The following DHX35 variants were observed in gnomAD, a reference collection of about 807,000 sequenced individuals.
DHX35 encodes the protein probable ATP-dependent RNA helicase DHX35.
DHX35 carries 84 observed loss-of-function variants against 99.6 expected under a neutral mutation model. That is an observed-to-expected ratio of 0.84 (90% CI 0.71 to 1.01). DHX35 has a LOEUF of 1.01. DHX35 is among the 50% of genes least tolerant of loss of function. The probability of loss-of-function intolerance (pLI) is 0.00; values close to 1 mark genes in which losing one functional copy is unlikely to be tolerated. For missense variants in DHX35, 852 were observed against 888.5 expected, an observed-to-expected ratio of 0.96 and a Z score of 0.52; for synonymous variants, 331 against 316.2, an observed-to-expected ratio of 1.05 and a Z score of -0.50.
chr20:38,977,812 T>G, intron 3 of DHX35: 1 of 537,388 alleles, frequency 1.9e-6, no homozygotes, highest in South Asian at 1.5e-5. Context: ...GATCTTGGTG[T>G]TGGTGGTATT....
chr20:39,026,388 C>G (rs924638274), intron 18 of DHX35, among the ~76,000 whole-genome samples: 3 of 152,134 alleles, frequency 2.0e-5, no homozygotes, highest in Admixed American at 2.0e-4. Context: ...ATACTAAGAG[C>G]AAGTGATTAA....
intron 3 of DHX35, among the ~76,000 whole-genome samples, chr20:38,976,771 G>T (rs2086086378): frequency 6.6e-6 from 1 of 152,038 alleles, no homozygotes; most frequent in Non-Finnish European, 1.5e-5. Flanking sequence ...TCTTCCCTCT[G>T]CAGCCCCTAG....
intron 8 of DHX35, among the ~76,000 whole-genome samples, chr20:38,997,859 A>G (rs2086455856): frequency 6.6e-6 from 1 of 152,170 alleles, no homozygotes; most frequent in Non-Finnish European, 1.5e-5. Context: ...CTTAGGAAAC[A>G]TTTTGATCTA....
In DHX35 at chr20:38,984,628, A is replaced by C. The variant is rs1263213478; in HGVS notation, c.345+852A>C. Among the ~76,000 whole-genome samples the C allele has an allele frequency of 2.0e-5, 3 of 152,216 alleles. No homozygotes were observed. The South Asian group carries it at 6.2e-4, about 31-fold the overall frequency. On this transcript the variant is annotated intron_variant, in intron 4 of 21. Coordinates refer to ENST00000252011, the MANE Select transcript of DHX35 (RefSeq NM_021931.4). ...ACCTATATTTCAAATTACGCCTTAT[A>C]GTTTCCTGTTATGAAAGAAGAGGAA...
intron 7 of DHX35, among the ~76,000 whole-genome samples, 187 bp from the exon 8 acceptor site, chr20:38,994,634 C>A (rs1200434467): frequency 3.9e-4 from 42 of 108,358 alleles, no homozygotes; most frequent in African/African-American, 1.5e-3. Context: ...TGTAATGACC[C>A]CCCCCCCCCT....
chr20:39,012,878 C>T (rs534415099), intron 13 of DHX35, among the ~76,000 whole-genome samples: 6 of 152,210 alleles, frequency 3.9e-5, no homozygotes, highest in Admixed American at 1.3e-4. Flanking sequence ...ATGGTGAAAT[C>T]GAAAACTGCC....
At chr20:39,023,456 A>G (rs1184092709) in intron 16 of DHX35, among the ~76,000 whole-genome samples, 1 of 151,314 alleles carries the variant, frequency 6.6e-6, no homozygotes, top group Non-Finnish European at 1.5e-5. Context: ...GGCTCAAGCG[A>G]TCCTTCCACC....
intron 4 of DHX35, among the ~76,000 whole-genome samples, chr20:38,988,459 A>G (rs748324773): frequency 6.6e-6 from 1 of 152,174 alleles, no homozygotes; most frequent in Admixed American, 6.5e-5. Context: ...GCGAAACCCC[A>G]TCTCCACTAA....
chr20:38,985,573 A>ATG (rs758739672), intron 4 of DHX35, among the ~76,000 whole-genome samples: 108 of 151,790 alleles, frequency 7.1e-4, no homozygotes, highest in Non-Finnish European at 1.2e-3. Flanking sequence ...TTTAGAAGTT[A>ATG]TGTGTGTGTG....
At chr20:39,034,560 G>A (rs1195146491) in intron 21 of DHX35, among the ~76,000 whole-genome samples, 3 of 150,752 alleles carry the variant, frequency 2.0e-5, no homozygotes, top group Non-Finnish European at 2.9e-5. Flanking sequence ...TCGCTTTCTC[G>A]CTTTCTTTCT....
chr20:38,994,096 A>G (rs1023041826), intron 7 of DHX35, among the ~76,000 whole-genome samples: 3 of 152,072 alleles, frequency 2.0e-5, no homozygotes, highest in Non-Finnish European at 4.4e-5. Context: ...AGTTGTTATT[A>G]TTATTATTTT....
chr20:38,969,242 TG>T, intron 2 of DHX35, 28 bp downstream of exon 2: 1 of 1,590,278 alleles, frequency 6.3e-7, no homozygotes, highest in Non-Finnish European at 8.6e-7. Context: ...GTTCAACCTG[TG>T]GGCTTGAATC....
chr20:38,980,510 T>TC, intron 3 of DHX35, among the ~76,000 whole-genome samples: 1 of 134,340 alleles, frequency 7.4e-6, no homozygotes, highest in East Asian at 2.3e-4. Flanking sequence ...CTTATAGTTC[T>TC]GTTTTTTTTT....
chr20:38,969,535 A>G (rs190918926), intron 2 of DHX35, among the ~76,000 whole-genome samples: 52 of 152,352 alleles, frequency 3.4e-4, no homozygotes, highest in African/African-American at 9.6e-4. Flanking sequence ...GTTAATTTCT[A>G]TATAACAGAT....
chr20:38,986,529 T>G (rs1032907618), intron 4 of DHX35, among the ~76,000 whole-genome samples: 1 of 152,230 alleles, frequency 6.6e-6, no homozygotes, highest in Non-Finnish European at 1.5e-5. Context: ...TTTAAAATTT[T>G]TGTGGGTACA....
Position 38,983,758 on chromosome 20 carries a change from A to T in DHX35, c.327A>T (p.Arg109=). 1.2e-6 allele frequency: 2 copies of T among 1,614,010 alleles called. No homozygotes were observed. Among genetic ancestry groups the T allele is most frequent in the Non-Finnish European group, 1.7e-6 (2 of 1,179,938 alleles). ...GAGTGGTAGGAGTGACCCAGCCTCG[A>T]AGAGTGGCTGCTGTTACAGTGAGTT... ...EGRVVGVTQP[R]RVAAVTVAGR... is the part of the protein sequence containing the mutation. The change falls in exon 4 of 22, where the codon CGA becomes CGT. Residue 109 remains arginine, a synonymous_variant. Coordinates refer to ENST00000252011, the MANE Select transcript of DHX35 (RefSeq NM_021931.4).
intron 4 of DHX35, among the ~76,000 whole-genome samples, chr20:38,988,047 A>G (rs2145867953): frequency 6.6e-6 from 1 of 152,282 alleles, no homozygotes; most frequent in East Asian, 1.9e-4. Context: ...CGTGGAGATG[A>G]AAAGTTGTCC....
intron 8 of DHX35, among the ~76,000 whole-genome samples, chr20:38,998,776 C>G (rs574986911): frequency 6.6e-6 from 1 of 152,272 alleles, no homozygotes; most frequent in African/African-American, 2.4e-5. Flanking sequence ...GGTCTTGTGC[C>G]TTCTCAGTAA....
chr20:39,012,074 C>G (rs1417843390), intron 13 of DHX35, among the ~76,000 whole-genome samples: 2 of 152,016 alleles, frequency 1.3e-5, no homozygotes, highest in African/African-American at 4.8e-5. Flanking sequence ...ATGGTGAAAC[C>G]CCGTCTCTAC....
Sources: gnomAD v4.1 joint callset for allele counts (sites outside exome capture counted in the v4.1 genomes callset) on GRCh38, gnomAD v4.1.1 for gene constraint, MANE v1.5 for transcripts, NCBI Gene and HGNC (gene_info 2026-07-23, HGNC 2026-07-21) for gene names.